Variants in NADSYN1 observed in about 807,000 individuals in gnomAD.
NADSYN1 encodes the protein glutamine-dependent NAD(+) synthetase.
A neutral mutation model predicts 99.3 loss-of-function variants in NADSYN1; 80 were observed. The ratio of observed to expected loss-of-function variants is 0.81; its 90% confidence interval spans 0.67 to 0.97. The LOEUF is 0.97. NADSYN1 is among the 50% of genes least tolerant of loss of function. The pLI, the probability that NADSYN1 is intolerant of heterozygous loss-of-function variation, is 0.00. For missense variants in NADSYN1, 859 were observed against 948.5 expected, an observed-to-expected ratio of 0.91 and a Z score of 1.24; for synonymous variants, 385 against 372.1, an observed-to-expected ratio of 1.03 and a Z score of -0.40.
chr11:71,495,430 G>T (rs1949812585), intron 18 of NADSYN1, among the ~76,000 whole-genome samples: 1 of 152,214 alleles, frequency 6.6e-6, no homozygotes, highest in African/African-American at 2.4e-5. Context: ...TTCTCTCGTG[G>T]CTCAGCAGAT....
Position 71,458,529 on chromosome 11 carries a change from T to C in NADSYN1, c.248T>C (p.Ile83Thr), listed in dbSNP as rs747463742. ...GAGTCTCCCGTCACTCAGGACATCA[T>C]CTGCGACGTGGGGATGTAAGTGCCA... ...LVESPVTQDI[I>T]CDVGMPVMHR... The change falls in exon 3 of 21, where the codon ATC becomes ACC. Residue 83 changes from isoleucine to threonine, a missense_variant. Ile to Thr is a moderately conservative substitution (Grantham distance 89). Coordinates refer to ENST00000319023, the MANE Select transcript of NADSYN1 (RefSeq NM_018161.5). 9 of 1,608,684 alleles carry C rather than the reference T, an allele frequency of 5.6e-6. No individual in the cohort carries two copies. In the South Asian group the frequency reaches 8.8e-5, roughly 16 times the overall value.
chr11:71,455,031 T>A, intron 1 of NADSYN1, 79 bp from the exon 2 acceptor site: 1 of 1,058,902 alleles, frequency 9.4e-7, no homozygotes. Context: ...TCCTACCTAC[T>A]GCAGCAGGTT....
chr11:71,464,802 A>G (rs897114088), intron 5 of NADSYN1, among the ~76,000 whole-genome samples: 2 of 144,126 alleles, frequency 1.4e-5, no homozygotes, highest in Non-Finnish European at 3.0e-5. Context: ...AGGAGGCAAG[A>G]GCTTGCAGTG....
At chr11:71,462,570 C>T (rs568706331) in intron 3 of NADSYN1, among the ~76,000 whole-genome samples, 11 of 152,274 alleles carry the variant, frequency 7.2e-5, no homozygotes, top group East Asian at 1.9e-4. Context: ...AGGACCCCCT[C>T]GGGCTGTGTC....
chr11:71,455,039 G>A (rs1949503956), intron 1 of NADSYN1, 71 bp from the exon 2 acceptor site: 2 of 1,153,824 alleles, frequency 1.7e-6, no homozygotes, highest in East Asian at 2.4e-5. Context: ...ACTGCAGCAG[G>A]TTGTTTCATC....
chr11:71,469,928 A>AG (rs35043114), intron 5 of NADSYN1, among the ~76,000 whole-genome samples: 1 of 23,612 alleles, frequency 4.2e-5, no homozygotes, highest in Non-Finnish European at 3.5e-4. Flanking sequence ...CCTGTCTCAG[A>AG]AAAAAAAAAA....
intron 16 of NADSYN1, among the ~76,000 whole-genome samples, chr11:71,488,626 G>A (rs1474083853): frequency 6.6e-6 from 1 of 152,024 alleles, no homozygotes; most frequent in Non-Finnish European, 1.5e-5. Flanking sequence ...AGGCGCTGCA[G>A]AGATCACTGG....
intron 10 of NADSYN1, chr11:71,479,645 A>G (rs1949691720): frequency 6.6e-6 from 1 of 151,298 alleles, no homozygotes; most frequent in South Asian, 2.1e-4. Context: ...GGATGAAATC[A>G]CACAGTGTAT....
In NADSYN1 at chr11:71,476,634, G is replaced by A. The variant is rs371124145; in HGVS notation, c.799-1761G>A. 1.8e-4 allele frequency: 177 copies of A among 985,968 alleles called. 1 individual carries two copies. In the South Asian group the frequency reaches 7.2e-3, roughly 40 times the overall value. 61.1% of individuals were successfully genotyped at this position (985,968 alleles called of 1,614,324 possible). ...ACAGTGTCCCCAGAGGCCTCCTTGC[G>A]CTTCATCATTAACCGCGACAGAGCT... On this transcript the variant is annotated intron_variant, in intron 9 of 20. Coordinates refer to ENST00000319023, the MANE Select transcript of NADSYN1 (RefSeq NM_018161.5).
At chr11:71,491,930 C>T (rs1949782495) in intron 18 of NADSYN1, 27 bp downstream of exon 18, 8 of 1,603,258 alleles carry the variant, frequency 5.0e-6, no homozygotes, top group South Asian at 1.1e-5. Flanking sequence ...TGCCATGATG[C>T]TTCCTGCCCT....
intron 20 of NADSYN1, chr11:71,499,270 G>T (rs1440195940): frequency 6.6e-6 from 1 of 152,200 alleles, no homozygotes; most frequent in Non-Finnish European, 1.5e-5. Flanking sequence ...ATGTCTCGTC[G>T]GCAGATGAGT....
At position 71,491,066 on chromosome 11, in the gene NADSYN1, C is replaced by T. The variant is rs561543912; in HGVS notation, c.1694+90C>T. The stretch of plus-strand genomic sequence containing the variant: ...ACCCTGGCCCACACTCAGGCTCCTT[C>T]GTAGCTCCTGTTGCCTGCTGAATGG... On this transcript the variant is annotated intron_variant, in intron 17 of 20. Coordinates refer to ENST00000319023, the MANE Select transcript of NADSYN1 (RefSeq NM_018161.5). 203 of 1,541,778 alleles carry T rather than the reference C, an allele frequency of 1.3e-4. 1 individual carries two copies. The African/African-American group carries it at 1.7e-3, about 13-fold the overall frequency.
chr11:71,481,152 G>A, intron 11 of NADSYN1: 1 of 661,962 alleles, frequency 1.5e-6, no homozygotes, highest in Non-Finnish European at 2.6e-6. Context: ...TTTAAAATGA[G>A]GACGATGATA....
At chr11:71,496,183 C>T (rs933478471) in intron 18 of NADSYN1, among the ~76,000 whole-genome samples, 5 of 152,166 alleles carry the variant, frequency 3.3e-5, no homozygotes, top group Non-Finnish European at 7.4e-5. Flanking sequence ...TGGCGTAAAA[C>T]AACAGGAATT....
At chr11:71,493,772 GC>G (rs1464835008) in intron 18 of NADSYN1, among the ~76,000 whole-genome samples, 1 of 152,172 alleles carries the variant, frequency 6.6e-6, no homozygotes, top group African/African-American at 2.4e-5. Context: ...GTGTGTGGCA[GC>G]TGACAATGTA....
intron 16 of NADSYN1, among the ~76,000 whole-genome samples, chr11:71,486,869 G>A (rs996876721): frequency 1.6e-5 from 2 of 124,466 alleles, no homozygotes; most frequent in Admixed American, 1.1e-4. Flanking sequence ...GCAGTGGCGC[G>A]ATCTCGGCTC....
chr11:71,485,492 C>T (rs1565604782), intron 15 of NADSYN1, 50 bp from the exon 16 acceptor site: 2 of 1,412,384 alleles, frequency 1.4e-6, no homozygotes, highest in Non-Finnish European at 1.9e-6. Flanking sequence ...TGCGTCTCCC[C>T]CGTGTTCCTT....
chr11:71,477,150 G>T (rs1350982065), intron 9 of NADSYN1: 3 of 1,137,136 alleles, frequency 2.6e-6, no homozygotes, highest in Non-Finnish European at 3.3e-6. Flanking sequence ...CGTCGGGCCC[G>T]CGTTTCTCAG....
At chr11:71,484,956 C>T (rs765630726) in intron 15 of NADSYN1, 7 of 176,716 alleles carry the variant, frequency 4.0e-5, no homozygotes, top group East Asian at 1.5e-4. Flanking sequence ...CATGAGTGCA[C>T]GAGCATGCCT....
Sources: gnomAD v4.1 joint callset for allele counts (sites outside exome capture counted in the v4.1 genomes callset) on GRCh38, gnomAD v4.1.1 for gene constraint, MANE v1.5 for transcripts, NCBI Gene and HGNC (gene_info 2026-07-23, HGNC 2026-07-21) for gene names.